Variants in SMIM35 observed in about 807,000 individuals in gnomAD.
The protein encoded by SMIM35 is TMPRSS4 antisense RNA 1 (non-protein coding).
chr11:118,022,557 C>A (rs976079610), intron 1 of SMIM35, among the ~76,000 whole-genome samples: 1 of 152,102 alleles, frequency 6.6e-6, no homozygotes, highest in Admixed American at 6.6e-5. Flanking sequence ...ATACTTAGAT[C>A]TGAATGATAT....
At chr11:118,074,919 C>T (rs191673681) in intron 1 of SMIM35, among the ~76,000 whole-genome samples, 17 of 152,162 alleles carry the variant, frequency 1.1e-4, no homozygotes, top group Middle Eastern at 3.4e-3. Context: ...GCCTTCTTCC[C>T]GGACCTCTCC....
chr11:118,071,573 C>A (rs1944572227), intron 1 of SMIM35, among the ~76,000 whole-genome samples: 2 of 152,184 alleles, frequency 1.3e-5, no homozygotes, highest in Admixed American at 1.3e-4. Flanking sequence ...CATGCCCACC[C>A]ACTGCGCCCT....
At chr11:118,025,805 CTTTTGTCAGTTTTTAT>C in intron 1 of SMIM35, 1 of 444,958 alleles carries the variant, frequency 2.2e-6, no homozygotes, top group Non-Finnish European at 4.5e-6. Flanking sequence ...AATCAGGTCC[CTTTTGTCAGTTTTTAT>C]TTTTGTCGTA....
intron 1 of SMIM35, among the ~76,000 whole-genome samples, chr11:118,067,860 CAT>C (rs57497227): frequency 0.045 from 3,451 of 77,028 alleles, 53 homozygotes; most frequent in Non-Finnish European, 0.052. Context: ...CAACAACAAA[CAT>C]ATATATATAT....
intron 1 of SMIM35, among the ~76,000 whole-genome samples, chr11:118,079,083 G>A (rs3782028): frequency 0.016 from 2,472 of 152,196 alleles, 97 homozygotes; most frequent in East Asian, 0.11. Flanking sequence ...GAACACTGGT[G>A]GAGGGGTCAG....
At chr11:118,055,503 A>G (rs1196573796) in intron 1 of SMIM35, among the ~76,000 whole-genome samples, 1 of 152,148 alleles carries the variant, frequency 6.6e-6, no homozygotes, top group Non-Finnish European at 1.5e-5. Context: ...TGCAGTGCTG[A>G]ATTCATACCT....
chr11:118,007,360 G>A (rs1175429865), intron 4 of SMIM35, among the ~76,000 whole-genome samples: 1 of 152,150 alleles, frequency 6.6e-6, no homozygotes, highest in Non-Finnish European at 1.5e-5. Flanking sequence ...GCGCTCACCA[G>A]CTACAAGGGG....
At chr11:118,079,639 C>A (rs1231060243) in intron 1 of SMIM35, among the ~76,000 whole-genome samples, 1 of 152,226 alleles carries the variant, frequency 6.6e-6, no homozygotes, top group African/African-American at 2.4e-5. Context: ...CTGAGGTCAA[C>A]CCCCTGACGC....
chr11:118,029,554 A>G (rs2058301260), intron 1 of SMIM35: 1 of 438,702 alleles, frequency 2.3e-6, no homozygotes, highest in Non-Finnish European at 4.6e-6. Context: ...AGAGGCTACA[A>G]GGCTGGAGGA....
At chr11:118,019,817 T>C (rs534113950) in intron 1 of SMIM35, among the ~76,000 whole-genome samples, 1 of 152,350 alleles carries the variant, frequency 6.6e-6, no homozygotes, top group Admixed American at 6.5e-5. Context: ...CCTTTTCCCC[T>C]TCATTGCTGC....
At chr11:118,021,531 T>G (rs556966972) in intron 1 of SMIM35, among the ~76,000 whole-genome samples, 2 of 152,316 alleles carry the variant, frequency 1.3e-5, no homozygotes, top group African/African-American at 4.8e-5. Context: ...CCTATAGTTT[T>G]TATTCATTAT....
chr11:118,043,374 G>T (rs1313140556), intron 1 of SMIM35, among the ~76,000 whole-genome samples: 1 of 151,826 alleles, frequency 6.6e-6, no homozygotes, highest in African/African-American at 2.4e-5. Context: ...GTCATATAAA[G>T]AAATGAAGTA....
At chr11:118,079,056 C>CG (rs1591324784) in intron 1 of SMIM35, among the ~76,000 whole-genome samples, 2 of 151,758 alleles carry the variant, frequency 1.3e-5, no homozygotes, top group African/African-American at 2.4e-5. Context: ...GCTGGAGGAG[C>CG]GGGGGAGGGC....
chr11:118,046,555 C>T (rs1244886348), intron 1 of SMIM35, among the ~76,000 whole-genome samples: 1 of 152,164 alleles, frequency 6.6e-6, no homozygotes, highest in Non-Finnish European at 1.5e-5. Flanking sequence ...AAGAACCTTG[C>T]CTTAAGTCTG....
intron 1 of SMIM35, among the ~76,000 whole-genome samples, chr11:118,054,174 T>G (rs1256448740): frequency 2.7e-4 from 41 of 151,438 alleles, no homozygotes; most frequent in Non-Finnish European, 5.3e-4. Flanking sequence ...GTTTTGTTTT[T>G]TTGTTTGTTC....
chr11:118,015,093 A>T (rs2058172611), intron 2 of SMIM35, among the ~76,000 whole-genome samples: 1 of 152,252 alleles, frequency 6.6e-6, no homozygotes, highest in South Asian at 2.1e-4. Context: ...ATCATATTAG[A>T]CAAAAGTGCA....
At chr11:118,058,084 C>T (rs1944342809) in intron 1 of SMIM35, among the ~76,000 whole-genome samples, 1 of 152,186 alleles carries the variant, frequency 6.6e-6, no homozygotes, top group African/African-American at 2.4e-5. Flanking sequence ...GTCATACTGA[C>T]AGCTAATTAA....
At chr11:118,055,295 T>C (rs912694479) in intron 1 of SMIM35, among the ~76,000 whole-genome samples, 2 of 152,062 alleles carry the variant, frequency 1.3e-5, no homozygotes, top group African/African-American at 2.4e-5. Context: ...CTCCAAGATA[T>C]GCGGATTTTC....
rs117386246 is a variant in SMIM35, at chr11:118,050,754, G to A, written c.8-34945C>T. Reference sequence around the variant, plus strand: ...TGGTTGCAAGTTCAGAGGCTTTGGGGTTTTGTAGATCTGCCCGAAGCATTG... The same window carrying A: ...TGGTTGCAAGTTCAGAGGCTTTGGGATTTTGTAGATCTGCCCGAAGCATTG... On this transcript the variant is annotated intron_variant, in intron 1 of 4. Transcript: ENST00000689828. Among the ~76,000 whole-genome samples the A allele has an allele frequency of 2.8e-3, 428 of 152,324 alleles. 3 individuals carry two copies. Among genetic ancestry groups the A allele is most frequent in the Admixed American group, 5.7e-3 (87 of 15,302 alleles).
Sources: gnomAD v4.1 joint callset for allele counts (sites outside exome capture counted in the v4.1 genomes callset) on GRCh38, gnomAD v4.1.1 for gene constraint, MANE v1.5 for transcripts, NCBI Gene and HGNC (gene_info 2026-07-23, HGNC 2026-07-21) for gene names.